Variants in PDE3B observed in about 807,000 individuals in gnomAD.
The protein encoded by PDE3B is cGMP-inhibited 3',5'-cyclic phosphodiesterase 3B.
PDE3B carries 66 observed loss-of-function variants against 116.8 expected under a neutral mutation model. The observed-to-expected ratio is 0.56, with a 90% CI of 0.46 to 0.69. PDE3B has a LOEUF of 0.69. PDE3B is among the 30% of genes least tolerant of loss of function. PDE3B has a pLI of 0.00. For synonymous variants in PDE3B, 595 were observed against 533.6 expected (o/e 1.12, Z -1.59); for missense variants, 1,384 against 1,368.1 (o/e 1.01, Z -0.18).
chr11:14,754,199 A>G (rs1050172951), intron 1 of PDE3B, among the ~76,000 whole-genome samples: 2 of 152,204 alleles, frequency 1.3e-5, no homozygotes, highest in Admixed American at 6.5e-5. Flanking sequence ...AGTTACATGT[A>G]TATTTATGGG....
At chr11:14,671,641 C>A (rs763045661) in intron 1 of PDE3B, among the ~76,000 whole-genome samples, 55 of 152,026 alleles carry the variant, frequency 3.6e-4, no homozygotes, top group Admixed American at 1.0e-3. Context: ...AGATAGGAGG[C>A]TGTTGGAGTT....
intron 1 of PDE3B, among the ~76,000 whole-genome samples, chr11:14,649,614 T>C (rs541200252): frequency 1.3e-5 from 2 of 152,280 alleles, no homozygotes; most frequent in Admixed American, 1.3e-4. Flanking sequence ...TTAAAGGAGG[T>C]AGGCAAGAAG....
chr11:14,836,674 A>G (rs1405216122), intron 11 of PDE3B, among the ~76,000 whole-genome samples: 3 of 152,272 alleles, frequency 2.0e-5, no homozygotes, highest in South Asian at 2.1e-4. Context: ...TCTGGAGGTC[A>G]GAAGTCCAAA....
chr11:14,795,332 T>C (rs1363635430), intron 4 of PDE3B, among the ~76,000 whole-genome samples: 6 of 152,184 alleles, frequency 3.9e-5, no homozygotes, highest in African/African-American at 1.4e-4. Flanking sequence ...GGGACTGGAC[T>C]AAAACCAAAT....
chr11:14,880,105 T>G, the PDE3B span: 13 of 1,610,842 alleles, frequency 8.1e-6, no homozygotes, highest in Admixed American at 5.0e-5. Context: ...CATGTAAGGA[T>G]AGACCCTGAG....
chr11:14,682,992 C>A (rs1407025928), intron 1 of PDE3B, among the ~76,000 whole-genome samples: 1 of 150,390 alleles, frequency 6.6e-6, no homozygotes, highest in South Asian at 2.1e-4. Flanking sequence ...GGCTGGAGTG[C>A]AATGGCATGA....
At chr11:14,872,717 C>G (rs1354139651), downstream of PDE3B, among the ~76,000 whole-genome samples, 1 of 152,186 alleles carries the variant, frequency 6.6e-6, no homozygotes, top group East Asian at 1.9e-4. Flanking sequence ...TAAAAATCTT[C>G]ACATATTCAA....
chr11:14,741,063 A>G (rs1251828068), intron 1 of PDE3B, among the ~76,000 whole-genome samples: 1 of 152,146 alleles, frequency 6.6e-6, no homozygotes, highest in African/African-American at 2.4e-5. Flanking sequence ...GGTGCTGAGA[A>G]GAATGTATAT....
At chr11:14,785,902 A>G (rs1385518142) in intron 2 of PDE3B, among the ~76,000 whole-genome samples, 2 of 152,022 alleles carry the variant, frequency 1.3e-5, no homozygotes, top group African/African-American at 4.8e-5. Flanking sequence ...TACATTATAC[A>G]CTGCTTTATT....
In PDE3B at chr11:14,851,253, A is replaced by C. The variant is rs148979871; in HGVS notation, c.2520+7227A>C. Among the ~76,000 whole-genome samples the C allele has an allele frequency of 9.7e-3, 1,479 of 152,134 alleles. 24 individuals are homozygous for C. The highest frequency in any genetic ancestry group is 0.034 in the African/African-American group (1,408 of 41,508). On this transcript the variant is annotated intron_variant, in intron 12 of 15. Coordinates refer to ENST00000282096, the MANE Select transcript of PDE3B (RefSeq NM_000922.4). ...GTGTTTCTAATTGGATGCTTTATGAAGAGTAGGTGCTCAGTGATAGTTGCT... is the reference window on the plus strand; with the variant it reads ...GTGTTTCTAATTGGATGCTTTATGACGAGTAGGTGCTCAGTGATAGTTGCT...
the PDE3B span, among the ~76,000 whole-genome samples, chr11:14,897,535 G>C: frequency 1.3e-5 from 2 of 152,192 alleles, no homozygotes; most frequent in African/African-American, 4.8e-5. Flanking sequence ...ACCTGGGCCT[G>C]TATCTGGGTA....
intron 14 of PDE3B, among the ~76,000 whole-genome samples, chr11:14,863,221 TTATAAC>T: frequency 6.6e-6 from 1 of 152,206 alleles, no homozygotes; most frequent in East Asian, 1.9e-4. Context: ...TCATCCTTTT[TTATAAC>T]TGCATAGTAT....
intron 1 of PDE3B, chr11:14,674,560 A>G: frequency 2.5e-6 from 1 of 404,230 alleles, no homozygotes; most frequent in East Asian, 6.0e-5. Flanking sequence ...AGCCATTTAT[A>G]AGTGATTTGC....
In PDE3B at chr11:14,871,047, T is replaced by A. The variant is rs186950466; in HGVS notation, c.*1387T>A. 18 of 152,272 alleles carry A rather than the reference T, an allele frequency of 1.2e-4. No individual in the cohort carries two copies. Among genetic ancestry groups the A allele is most frequent in the Non-Finnish European group, 5.9e-5 (4 of 68,008 alleles). 9.4% of individuals were successfully genotyped at this position (152,272 alleles called of 1,614,324 possible). ...TTTTCTATTATTATTGGAGAACATA[T>A]CATATTTTGGAATCATGCAATTTTG... On this transcript the variant is annotated 3_prime_UTR_variant, in exon 16 of 16. Coordinates refer to ENST00000282096, the MANE Select transcript of PDE3B (RefSeq NM_000922.4).
rs1555008311 is a variant in PDE3B at position 14,867,684 on chromosome 11, C to T, written c.3065C>T (p.Thr1022Ile). 6.2e-7 allele frequency: 1 copy of T among 1,613,572 alleles called. No individual in the cohort carries two copies. The highest frequency in any genetic ancestry group is 1.7e-5 in the Admixed American group (1 of 59,970). The change falls in exon 15 of 16, where the codon ACT becomes ATT. Residue 1022 changes from threonine (T) to isoleucine (I), a missense_variant. Physicochemically the swap from Thr to Ile is moderately conservative, Grantham distance 89. Around this residue, in one of 2 missense-constraint regions of PDE3B, gnomAD observed 428 missense variants for 561.4 expected, o/e 0.76. Coordinates refer to ENST00000282096, the MANE Select transcript of PDE3B (RefSeq NM_000922.4). ...TTAGAAGCAGAAGAGGATAATGATA[C>T]TGAAAGTGGTGATGATGAAGACGGT... Reference protein sequence around the residue: ...QWLEAEEDNDTESGDDEDGEE... With the variant: ...QWLEAEEDNDIESGDDEDGEE...
At chr11:14,738,149 G>A (rs1856656231) in intron 1 of PDE3B, among the ~76,000 whole-genome samples, 1 of 152,098 alleles carries the variant, frequency 6.6e-6, no homozygotes, top group African/African-American at 2.4e-5. Flanking sequence ...TGGGATGGCT[G>A]GGTCAAATGG....
intron 1 of PDE3B, among the ~76,000 whole-genome samples, chr11:14,758,293 T>C (rs1222189731): frequency 6.8e-6 from 1 of 147,042 alleles, no homozygotes; most frequent in African/African-American, 2.5e-5. Flanking sequence ...GCGGGCTCTT[T>C]TTTGGTTCCA....
intron 12 of PDE3B, among the ~76,000 whole-genome samples, chr11:14,856,167 G>T (rs1308217441): frequency 6.6e-6 from 1 of 152,168 alleles, no homozygotes; most frequent in East Asian, 1.9e-4. Flanking sequence ...AGTCTCCCCT[G>T]TGTGTGCTCT....
chr11:14,738,071 A>G (rs1475737586), intron 1 of PDE3B, among the ~76,000 whole-genome samples: 2 of 152,168 alleles, frequency 1.3e-5, no homozygotes, highest in Admixed American at 6.5e-5. Flanking sequence ...TAGGGCCACA[A>G]TAAACATACG....
Sources: gnomAD v4.1 joint callset for allele counts (sites outside exome capture counted in the v4.1 genomes callset) on GRCh38, gnomAD v4.1.1 for gene constraint, gnomAD v4.1.1 regional missense constraint, MANE v1.5 for transcripts, NCBI Gene and HGNC (gene_info 2026-07-23, HGNC 2026-07-21) for gene names.